The following NRP1 variants were observed in gnomAD, a reference collection of about 807,000 sequenced individuals.
NRP1 encodes the protein neuropilin-1.
In NRP1, 35 loss-of-function variants were observed where a neutral mutation model predicts 106.7. The observed-to-expected ratio is 0.33, with a 90% CI of 0.25 to 0.43. NRP1 has a LOEUF of 0.43. NRP1 is among the 20% of genes least tolerant of loss of function. NRP1 has a pLI of 1.00. For missense variants in NRP1, 1,024 were observed against 1,170.4 expected (o/e 0.87, Z 1.83); for synonymous variants, 437 against 417.9 (o/e 1.05, Z -0.56).
rs151034550 is a variant in NRP1 at position 33,265,113 on chromosome 10, C to G, written c.431-1240G>C. ...TGACAGAGCCAGCCAGACTCCGCCT[C>G]AAAAAACAAACAAACAAACAAACAA... On this transcript the variant is annotated intron_variant, in intron 3 of 16. Transcript: ENST00000374867. 8.9e-3 allele frequency among the ~76,000 whole-genome samples: 1,340 copies of G among 151,352 alleles called. 12 individuals are homozygous for G. The highest frequency in any genetic ancestry group is 0.048 in the Middle Eastern group (14 of 294).
intron 13 of NRP1, among the ~76,000 whole-genome samples, chr10:33,188,327 A>C (rs1020551758): frequency 6.6e-6 from 1 of 152,174 alleles, no homozygotes; most frequent in Non-Finnish European, 1.5e-5. Flanking sequence ...ACGTAGGTAG[A>C]GGGATGCTCT....
chr10:33,319,295 C>T (rs1032684431), intron 2 of NRP1, among the ~76,000 whole-genome samples: 4 of 151,996 alleles, frequency 2.6e-5, no homozygotes, highest in African/African-American at 4.8e-5. Context: ...TGTGAGTCAC[C>T]GCGCCCAGAG....
At chr10:33,236,459 T>G (rs1840564087) in intron 6 of NRP1, among the ~76,000 whole-genome samples, 1 of 152,216 alleles carries the variant, frequency 6.6e-6, no homozygotes, top group Non-Finnish European at 1.5e-5. Context: ...TCCATCTGAT[T>G]GTTTATGTGT....
chr10:33,233,906 C>T (rs1347917534), intron 6 of NRP1, among the ~76,000 whole-genome samples: 1 of 152,078 alleles, frequency 6.6e-6, no homozygotes, highest in Non-Finnish European at 1.5e-5. Flanking sequence ...TTTACAGAGC[C>T]TGGGCCTGTG....
At chr10:33,294,359 T>A (rs1246767354) in intron 2 of NRP1, among the ~76,000 whole-genome samples, 1 of 152,180 alleles carries the variant, frequency 6.6e-6, no homozygotes, top group African/African-American at 2.4e-5. Context: ...GGCTCACGCC[T>A]GTAATCCCAG....
At chr10:33,266,523 G>T (rs1467147994) in intron 3 of NRP1, among the ~76,000 whole-genome samples, 1 of 152,192 alleles carries the variant, frequency 6.6e-6, no homozygotes, top group African/African-American at 2.4e-5. Flanking sequence ...ACCAAAATTT[G>T]TTTTAATATT....
chr10:33,265,936 A>T (rs1842887703), intron 3 of NRP1, among the ~76,000 whole-genome samples: 1 of 152,146 alleles, frequency 6.6e-6, no homozygotes, highest in African/African-American at 2.4e-5. Context: ...CAAAGAAAAA[A>T]TATATATATA....
At chr10:33,294,941 C>T (rs1332772066) in intron 2 of NRP1, among the ~76,000 whole-genome samples, 2 of 152,132 alleles carry the variant, frequency 1.3e-5, no homozygotes, top group African/African-American at 2.4e-5. Context: ...TGTCCTGATG[C>T]CACCTATATA....
chr10:33,319,252 C>T (rs1349903177), intron 2 of NRP1, among the ~76,000 whole-genome samples: 2 of 151,748 alleles, frequency 1.3e-5, no homozygotes, highest in African/African-American at 4.8e-5. Context: ...GTGATCCGCC[C>T]GCCTCAGCCT....
chr10:33,291,644 T>C (rs1845002257), intron 2 of NRP1, among the ~76,000 whole-genome samples: 1 of 152,180 alleles, frequency 6.6e-6, no homozygotes, highest in Non-Finnish European at 1.5e-5. Flanking sequence ...ATAGATATGG[T>C]GTTGGCATGA....
Position 33,199,760 on chromosome 10 carries a change from A to G in NRP1, c.1865-2051T>C, listed in dbSNP as rs529519614. ...GGGTGGGCCCATGCCTACCATGGAA[A>G]GTTCTGGAGGTGGTTACAGGGTGCC... On this transcript the variant is annotated intron_variant, in intron 11 of 16. Coordinates refer to ENST00000374867, the MANE Select transcript of NRP1 (RefSeq NM_003873.7). Among the ~76,000 whole-genome samples the G allele has an allele frequency of 2.0e-5, 3 of 152,284 alleles. No homozygotes were observed. In the East Asian group the frequency reaches 5.8e-4, roughly 29 times the overall value.
At chr10:33,313,390 A>T (rs1301526969) in intron 2 of NRP1, among the ~76,000 whole-genome samples, 3 of 152,150 alleles carry the variant, frequency 2.0e-5, no homozygotes, top group Admixed American at 6.5e-5. Flanking sequence ...AGCCCCAGGG[A>T]TCAGGACCAG....
intron 9 of NRP1, among the ~76,000 whole-genome samples, chr10:33,208,036 C>T (rs950388235): frequency 2.6e-5 from 4 of 152,116 alleles, no homozygotes; most frequent in Admixed American, 6.5e-5. Context: ...AGTGATCCTC[C>T]CACCTCAGCC....
intron 2 of NRP1, among the ~76,000 whole-genome samples, chr10:33,320,807 G>A (rs1422891208): frequency 6.6e-6 from 1 of 152,170 alleles, no homozygotes; most frequent in African/African-American, 2.4e-5. Flanking sequence ...CATGGTTTTT[G>A]TCTTGCTGGG....
intron 2 of NRP1, among the ~76,000 whole-genome samples, chr10:33,327,109 G>A (rs2804497): frequency 6.6e-6 from 1 of 151,794 alleles, no homozygotes; most frequent in Non-Finnish European, 1.5e-5. Context: ...AGCTTTCTCA[G>A]GGTGGAAGTT....
At chr10:33,185,771 A>G in intron 14 of NRP1, 47 bp from the exon 15 acceptor site, 1 of 1,481,786 alleles carries the variant, frequency 6.7e-7, no homozygotes, top group Non-Finnish European at 9.4e-7. Context: ...CTCATCTCAC[A>G]TGGCAGTGTT....
chr10:33,186,063 A>G (rs1266404798), intron 14 of NRP1, among the ~76,000 whole-genome samples, 154 bp downstream of exon 14: 1 of 152,232 alleles, frequency 6.6e-6, no homozygotes, highest in Non-Finnish European at 1.5e-5. Flanking sequence ...GAAATCTGCT[A>G]TTAAGGTGGT....
At chr10:33,242,281 C>T (rs772269591) in intron 6 of NRP1, among the ~76,000 whole-genome samples, 9 of 152,214 alleles carry the variant, frequency 5.9e-5, no homozygotes, top group Non-Finnish European at 1.0e-4. Context: ...TTTTTCTTTA[C>T]GTGGTAAATG....
chr10:33,214,527 ATT>A, intron 8 of NRP1, among the ~76,000 whole-genome samples: 1 of 152,088 alleles, frequency 6.6e-6, no homozygotes, highest in Non-Finnish European at 1.5e-5. Context: ...TTTCTTCTGG[ATT>A]TATCCTGATC....
Sources: allele counts gnomAD v4.1 joint callset (sites outside exome capture counted in the v4.1 genomes callset), GRCh38; gene constraint gnomAD v4.1.1; transcripts MANE v1.5; gene names NCBI Gene and HGNC (gene_info 2026-07-23, HGNC 2026-07-21).